Variants in NCKAP1 observed in about 807,000 individuals in gnomAD.
NCKAP1 encodes NCK associated protein 1.
A neutral mutation model predicts 151.2 loss-of-function variants in NCKAP1; 21 were observed. The ratio of observed to expected loss-of-function variants is 0.14; its 90% CI spans 0.10 to 0.20. NCKAP1 has a LOEUF of 0.20. Among genes scored for constraint, NCKAP1 ranks in the 10% least tolerant of loss-of-function variants. The pLI is 1.00. For missense variants in NCKAP1, 933 were observed against 1,352.1 expected (o/e 0.69, Z 4.86); for synonymous variants, 484 against 451.8 (o/e 1.07, Z -0.90).
intron 18 of NCKAP1, among the ~76,000 whole-genome samples, chr2:182,961,145 T>C (rs529959298): frequency 0.013 from 1,913 of 152,294 alleles, 19 homozygotes; most frequent in Non-Finnish European, 0.02. Flanking sequence ...GACTGTAAAC[T>C]AGTTCAACCA....
intron 30 of NCKAP1, among the ~76,000 whole-genome samples, chr2:182,926,390 T>C (rs73980527): frequency 0.049 from 7,393 of 151,954 alleles, 587 homozygotes; most frequent in African/African-American, 0.17. Context: ...AGCCACGTGG[T>C]AGAAACAAGC....
chr2:182,938,056 CCA>C (rs1696916841), intron 24 of NCKAP1, among the ~76,000 whole-genome samples: 1 of 152,276 alleles, frequency 6.6e-6, no homozygotes, highest in African/African-American at 2.4e-5. Context: ...GGCCTCAGCC[CCA>C]GAGATCTGAG....
chr2:182,989,147 G>A lies in NCKAP1; in HGVS notation c.830C>T (p.Ala277Val), dbSNP rs769551959. 1.1e-5 allele frequency: 17 copies of A among 1,611,566 alleles called. No homozygotes were observed. The highest frequency in any genetic ancestry group is 1.3e-5 in the Non-Finnish European group (15 of 1,179,126). ...ILCHGILNTD[A>V]TALNLWKLAL... ...TAGTTTCCAAAGGTTCAGTGCTGTAGCGTCAGTATTTAGGATCCCATGGCA... is the reference window on the plus strand; with the variant it reads ...TAGTTTCCAAAGGTTCAGTGCTGTAACGTCAGTATTTAGGATCCCATGGCA... Residue 277 changes from alanine (A) to valine (V), a missense_variant, in exon 9 of 31, where the codon GCT (alanine) becomes GTT (valine). Physicochemically the swap from Ala to Val is moderately conservative, Grantham distance 64 (BLOSUM62 0). Transcript: ENST00000361354.
At chr2:182,947,847 T>C (rs759836642) in intron 23 of NCKAP1, among the ~76,000 whole-genome samples, 3 of 152,114 alleles carry the variant, frequency 2.0e-5, no homozygotes, top group African/African-American at 7.2e-5. Context: ...ATATGAAACA[T>C]CATTATGATC....
At chr2:182,940,723 G>C (rs934590951) in intron 24 of NCKAP1, among the ~76,000 whole-genome samples, 5 of 152,198 alleles carry the variant, frequency 3.3e-5, no homozygotes, top group Admixed American at 1.3e-4. Context: ...ACAGGCCTGG[G>C]CCACCACACC....
chr2:183,016,875 C>T (rs1405375611), intron 2 of NCKAP1, among the ~76,000 whole-genome samples: 3 of 152,020 alleles, frequency 2.0e-5, no homozygotes, highest in African/African-American at 7.3e-5. Flanking sequence ...GCATTTGTCC[C>T]GGCAGGAAAT....
intron 2 of NCKAP1, among the ~76,000 whole-genome samples, chr2:183,010,200 T>G (rs1389737832): frequency 6.6e-6 from 1 of 152,244 alleles, no homozygotes; most frequent in Non-Finnish European, 1.5e-5. Context: ...CCATCTTGGC[T>G]GGCCTTGTGA....
chr2:182,976,542 T>C (rs2105848223), intron 15 of NCKAP1, among the ~76,000 whole-genome samples: 1 of 152,372 alleles, frequency 6.6e-6, no homozygotes, highest in Admixed American at 6.5e-5. Flanking sequence ...GTTTCTTTAT[T>C]AGAAAAAGTT....
At chr2:182,949,264 T>C (rs116050002) in intron 23 of NCKAP1, among the ~76,000 whole-genome samples, 183 of 152,300 alleles carry the variant, frequency 1.2e-3, no homozygotes, top group African/African-American at 4.3e-3. Flanking sequence ...GTTAGATGAC[T>C]ACTGAGATCC....
chr2:183,022,587 G>A (rs979780699), intron 2 of NCKAP1, among the ~76,000 whole-genome samples: 22 of 152,150 alleles, frequency 1.4e-4, no homozygotes, highest in Admixed American at 7.2e-4. Context: ...AGGAGTTCAA[G>A]ACCAGCCTGG....
At chr2:183,020,089 C>T (rs528297014) in intron 2 of NCKAP1, among the ~76,000 whole-genome samples, 1 of 151,824 alleles carries the variant, frequency 6.6e-6, no homozygotes, top group African/African-American at 2.4e-5. Flanking sequence ...ACAAACAAAA[C>T]AAAATAAAAA....
chr2:182,952,387 T>A lies in NCKAP1; in HGVS notation c.2601+18A>T. 1 of 1,505,386 alleles carries A rather than the reference T, an allele frequency of 6.6e-7. No homozygotes were observed. Among genetic ancestry groups the A allele is most frequent in the African/African-American group, 1.4e-5 (1 of 70,956 alleles). 93.3% of individuals were successfully genotyped at this position (1,505,386 alleles called of 1,614,324 possible). A position where few individuals can be genotyped will look rare whatever the true frequency, so the allele number is the denominator to read the frequency against. On this transcript the variant is annotated intron_variant, in intron 23 of 30. Transcript: ENST00000361354. ...GGAATTAATGTTTAAAAGCTAAAAT[T>A]AATAAAGACTATATTACCTTAAGTT... is the stretch of plus-strand genomic sequence containing the variant.
At chr2:182,952,120 G>A (rs2105821703) in intron 23 of NCKAP1, among the ~76,000 whole-genome samples, 1 of 152,286 alleles carries the variant, frequency 6.6e-6, no homozygotes, top group Middle Eastern at 3.4e-3. Flanking sequence ...AAAACATCAT[G>A]ATTCAATACT....
At chr2:182,989,862 T>C (rs923833718) in intron 8 of NCKAP1, among the ~76,000 whole-genome samples, 9 of 151,178 alleles carry the variant, frequency 6.0e-5, no homozygotes, top group Admixed American at 2.0e-4. Context: ...TAGACAGGAG[T>C]GTTGGTGCGC....
chr2:183,029,390 T>C (rs1698961866), intron 1 of NCKAP1, among the ~76,000 whole-genome samples: 1 of 151,966 alleles, frequency 6.6e-6, no homozygotes, highest in East Asian at 1.9e-4. Context: ...TATTACAGCA[T>C]AGGATTACAT....
Position 182,925,408 on chromosome 2 carries a change from G to T in NCKAP1, c.*294C>A, listed in dbSNP as rs1290248969. Reference sequence around the variant, plus strand: ...TCTTTTTCAGAAATAAACAAGCAAAGATTTTTTTCATTATCAAATATCAAA... The same window carrying T: ...TCTTTTTCAGAAATAAACAAGCAAATATTTTTTTCATTATCAAATATCAAA... On this transcript the variant is annotated 3_prime_UTR_variant, in exon 31 of 31. Coordinates refer to ENST00000361354, the MANE Select transcript of NCKAP1 (RefSeq NM_013436.5). The T allele has an allele frequency of 1.2e-5, 2 of 170,492 alleles. No homozygotes were observed. Among genetic ancestry groups the T allele is most frequent in the East Asian group, 3.1e-4 (2 of 6,512 alleles). The allele number at this position is 170,492 out of a possible 1,614,324, so 10.6% of individuals were successfully genotyped here. A position where few individuals can be genotyped will look rare whatever the true frequency, so the allele number is the denominator to read the frequency against.
rs192704444 is a variant in NCKAP1 at position 183,020,819 on chromosome 2, A to G, written c.219+2987T>C. Among the ~76,000 whole-genome samples, 133 of 152,330 alleles carry G rather than the reference A, an allele frequency of 8.7e-4. No homozygotes were observed. The East Asian group carries it at 0.016, about 19-fold the overall frequency. On this transcript the variant is annotated intron_variant, in intron 2 of 30. Transcript: ENST00000361354. Reference sequence around the variant, plus strand: ...CAACTAATTCAATAAGTTAAAAAATAATAATAGAACTGAAACCTCACTTCT... The same window carrying G: ...CAACTAATTCAATAAGTTAAAAAATGATAATAGAACTGAAACCTCACTTCT...
Position 183,003,951 on chromosome 2 carries a change from C to G in NCKAP1, c.220-626G>C, listed in dbSNP as rs542618642. On this transcript the variant is annotated intron_variant, in intron 2 of 30. Coordinates refer to ENST00000361354, the MANE Select transcript of NCKAP1 (RefSeq NM_013436.5). ...GAAAGACAAATAGTATTTTAATCAA[C>G]TGTATAATTAAATTTACAAAAGTCC... 3.3e-5 allele frequency among the ~76,000 whole-genome samples: 5 copies of G among 152,182 alleles called. No homozygotes were observed. The South Asian group carries it at 1.0e-3, about 31-fold the overall frequency.
At chr2:182,983,823 A>G (rs1270439747) in intron 10 of NCKAP1, among the ~76,000 whole-genome samples, 1 of 152,208 alleles carries the variant, frequency 6.6e-6, no homozygotes, top group Non-Finnish European at 1.5e-5. Context: ...GCGTGAGCTC[A>G]GGAGTTCGAG....
Sources: allele counts gnomAD v4.1 joint callset (sites outside exome capture counted in the v4.1 genomes callset), GRCh38; gene constraint gnomAD v4.1.1; transcripts MANE v1.5; gene names NCBI Gene and HGNC (gene_info 2026-07-23, HGNC 2026-07-21).